The following FOXP1 variants were observed in gnomAD, a reference collection of about 807,000 sequenced individuals.
FOXP1 encodes the protein forkhead box P1.
A neutral mutation model predicts 98.2 loss-of-function variants in FOXP1; 15 were observed. That is an observed-to-expected ratio of 0.15 (90% CI 0.10 to 0.24). The LOEUF (loss-of-function observed/expected upper bound fraction) is 0.24. Ranked by LOEUF, FOXP1 falls within the 10% of genes least tolerant of loss-of-function variation. The pLI, the probability that FOXP1 is intolerant of heterozygous loss-of-function variation, is 1.00. For synonymous variants in FOXP1, 371 were observed against 314.5 expected, an observed-to-expected ratio of 1.18 and a Z score of -1.90; for missense variants, 633 against 848.5, an observed-to-expected ratio of 0.75 and a Z score of 3.15.
chr3:71,534,061 C>T (rs2044085211), intron 2 of FOXP1, among the ~76,000 whole-genome samples: 1 of 152,186 alleles, frequency 6.6e-6, no homozygotes. Flanking sequence ...CTGCAGTCAG[C>T]CCTGCAAAAC....
intron 3 of FOXP1, among the ~76,000 whole-genome samples, chr3:71,462,074 T>C (rs1006926456): frequency 6.6e-6 from 1 of 152,118 alleles, no homozygotes; most frequent in Non-Finnish European, 1.5e-5. Context: ...CCTTAAATAG[T>C]TCACTAGTAG....
At chr3:71,479,783 T>C (rs958906177) in intron 3 of FOXP1, among the ~76,000 whole-genome samples, 1 of 151,818 alleles carries the variant, frequency 6.6e-6, no homozygotes, top group Non-Finnish European at 1.5e-5. Flanking sequence ...ATTATAAGGA[T>C]TAAGGACACA....
chr3:71,139,135 A>G (rs939570859), intron 6 of FOXP1, among the ~76,000 whole-genome samples: 1 of 152,174 alleles, frequency 6.6e-6, no homozygotes, highest in East Asian at 1.9e-4. Flanking sequence ...AAATAGCTCC[A>G]TTTTACAGGA....
At chr3:71,075,590 C>T (rs1292831999) in intron 7 of FOXP1, among the ~76,000 whole-genome samples, 1 of 152,222 alleles carries the variant, frequency 6.6e-6, no homozygotes, top group Non-Finnish European at 1.5e-5. Context: ...GGCAAAATAG[C>T]AGTCCCACTT....
At chr3:71,563,337 C>T (rs2046679085) in intron 2 of FOXP1, among the ~76,000 whole-genome samples, 1 of 152,034 alleles carries the variant, frequency 6.6e-6, no homozygotes, top group African/African-American at 2.4e-5. Context: ...ATGGAGAGGC[C>T]CCCTAGGATG....
chr3:71,341,536 A>G (rs1344655138), intron 4 of FOXP1, among the ~76,000 whole-genome samples: 1 of 152,150 alleles, frequency 6.6e-6, no homozygotes, highest in Admixed American at 6.5e-5. Context: ...TGGGAGGCAG[A>G]GGCGGGTGGA....
chr3:71,379,168 T>C (rs2079954122), intron 3 of FOXP1, among the ~76,000 whole-genome samples: 1 of 152,164 alleles, frequency 6.6e-6, no homozygotes, highest in South Asian at 2.1e-4. Flanking sequence ...TCTCTATTTG[T>C]ATCTATATTT....
intron 12 of FOXP1, among the ~76,000 whole-genome samples, chr3:71,004,786 G>A (rs985774478): frequency 3.9e-5 from 6 of 152,130 alleles, no homozygotes; most frequent in Admixed American, 6.6e-5. Flanking sequence ...ATGTTAAGCC[G>A]GTCATACGTG....
At chr3:71,186,508 C>T (rs956817491) in intron 6 of FOXP1, among the ~76,000 whole-genome samples, 1 of 152,134 alleles carries the variant, frequency 6.6e-6, no homozygotes, top group Non-Finnish European at 1.5e-5. Flanking sequence ...GTCAAGAGAT[C>T]GAGACCATCC....
intron 5 of FOXP1, among the ~76,000 whole-genome samples, chr3:71,270,854 C>T (rs1447912018): frequency 6.6e-6 from 1 of 151,226 alleles, no homozygotes; most frequent in African/African-American, 2.4e-5. Flanking sequence ...GGGGGGAAAT[C>T]AATTATTATG....
chr3:71,178,171 T>A (rs2062061419), intron 6 of FOXP1, among the ~76,000 whole-genome samples: 2 of 149,544 alleles, frequency 1.3e-5, no homozygotes, highest in African/African-American at 4.9e-5. Context: ...AGTCTTGCTC[T>A]GTCACCAGGC....
chr3:70,972,461 TTTGGTCTAACACCA>T, intron 18 of FOXP1, 80 bp downstream of exon 18: 1 of 1,557,700 alleles, frequency 6.4e-7, no homozygotes, highest in Non-Finnish European at 8.9e-7. Context: ...AAACCAGTTC[TTTGGTCTAACACCA>T]TCTAGCAGCC....
At chr3:71,386,086 G>A (rs1037271828) in intron 3 of FOXP1, among the ~76,000 whole-genome samples, 1 of 152,036 alleles carries the variant, frequency 6.6e-6, no homozygotes, top group African/African-American at 2.4e-5. Context: ...ACCAAGTACC[G>A]CCCAAAACGT....
At chr3:70,965,851 G>A in intron 20 of FOXP1, 39 bp downstream of exon 20, 1 of 1,601,106 alleles carries the variant, frequency 6.2e-7, no homozygotes, top group Non-Finnish European at 8.6e-7. Context: ...GGGAGACTAG[G>A]GTCAGATAGC....
chr3:71,137,222 C>T lies in FOXP1; in HGVS notation c.181-24585G>A, dbSNP rs2059861505. On this transcript the variant is annotated intron_variant, in intron 6 of 20. Coordinates refer to ENST00000649528, the MANE Select transcript of FOXP1 (RefSeq NM_001349338.3). Reference sequence around the variant, plus strand: ...CTTCTCAAAGAGAAGTGAATTGACCCTCAAAATAACTGCTCTATTTTCCAA... The same window carrying T: ...CTTCTCAAAGAGAAGTGAATTGACCTTCAAAATAACTGCTCTATTTTCCAA... Among the ~76,000 whole-genome samples, 3 of 152,276 alleles carry T rather than the reference C, an allele frequency of 2.0e-5. No individual in the cohort carries two copies. In the South Asian group the frequency reaches 6.2e-4, roughly 32 times the overall value.
intron 14 of FOXP1, among the ~76,000 whole-genome samples, chr3:70,986,117 T>A (rs968423683): frequency 6.6e-6 from 1 of 151,906 alleles, no homozygotes; most frequent in African/African-American, 2.4e-5. Flanking sequence ...AGTAAAACAT[T>A]TTTTTTTAAT....
intron 3 of FOXP1, among the ~76,000 whole-genome samples, chr3:71,400,802 C>A (rs958286736): frequency 6.6e-6 from 1 of 152,104 alleles, no homozygotes; most frequent in Non-Finnish European, 1.5e-5. Context: ...AGATCAATGA[C>A]CTACATTGTG....
At chr3:71,115,164 GA>G (rs1354695159) in intron 6 of FOXP1, among the ~76,000 whole-genome samples, 2 of 151,906 alleles carry the variant, frequency 1.3e-5, no homozygotes, top group Non-Finnish European at 2.9e-5. Flanking sequence ...ACAGTGCAGA[GA>G]AAAATATGGT....
chr3:71,546,333 GAAT>G (rs2045357867), intron 2 of FOXP1, among the ~76,000 whole-genome samples: 1 of 152,174 alleles, frequency 6.6e-6, no homozygotes, highest in Non-Finnish European at 1.5e-5. Context: ...ATCTTGTAAA[GAAT>G]AAAGATTTGC....
Sources: allele counts gnomAD v4.1 joint callset (sites outside exome capture counted in the v4.1 genomes callset), GRCh38; gene constraint gnomAD v4.1.1; transcripts MANE v1.5; gene names NCBI Gene and HGNC (gene_info 2026-07-23, HGNC 2026-07-21).